The following GPHN variants were observed in gnomAD, a reference collection of about 807,000 sequenced individuals.
The protein encoded by GPHN is gephyrin.
A neutral mutation model predicts 95.5 loss-of-function variants in GPHN; 17 were observed. That is an observed-to-expected ratio of 0.18 (90% CI 0.12 to 0.27). The LOEUF (loss-of-function observed/expected upper bound fraction) is 0.27. Ranked by LOEUF, GPHN falls within the 10% of genes least tolerant of loss-of-function variation. GPHN has a pLI of 1.00. For synonymous variants in GPHN, 320 were observed against 322.5 expected, an observed-to-expected ratio of 0.99 and a Z score of 0.08; for missense variants, 660 against 978.1, an observed-to-expected ratio of 0.67 and a Z score of 4.34.
intron 1 of GPHN, among the ~76,000 whole-genome samples, chr14:66,549,478 G>C (rs1256357977): frequency 2.6e-5 from 4 of 152,152 alleles, no homozygotes; most frequent in Non-Finnish European, 5.9e-5. Flanking sequence ...GAAATTGCAG[G>C]AGAAACATTG....
the GPHN span, chr14:67,674,289 C>G: frequency 7.8e-7 from 1 of 1,281,494 alleles, no homozygotes; most frequent in Non-Finnish European, 1.0e-6. Context: ...GAGACGCGGG[C>G]CCGGGTCTGG....
intron 10 of GPHN, among the ~76,000 whole-genome samples, chr14:67,044,230 G>A (rs988100869): frequency 1.3e-4 from 20 of 152,038 alleles, no homozygotes; most frequent in Non-Finnish European, 7.4e-5. Context: ...CCAGCTACTT[G>A]GGAGGCTAAG....
chr14:66,552,978 TTTTTC>T (rs1374366360), intron 1 of GPHN, among the ~76,000 whole-genome samples: 3 of 150,980 alleles, frequency 2.0e-5, no homozygotes, highest in Non-Finnish European at 3.0e-5. Context: ...TTTTTTTTCT[TTTTTC>T]TTTTCTTTTC....
At chr14:66,794,787 G>C (rs2060099152) in intron 3 of GPHN, among the ~76,000 whole-genome samples, 1 of 152,100 alleles carries the variant, frequency 6.6e-6, no homozygotes, top group African/African-American at 2.4e-5. Flanking sequence ...TTGGTTTACT[G>C]TTGCATATAT....
intron 1 of GPHN, among the ~76,000 whole-genome samples, chr14:66,626,336 T>C (rs1290902158): frequency 6.6e-6 from 1 of 152,168 alleles, no homozygotes; most frequent in African/African-American, 2.4e-5. Context: ...CTCCAAATTT[T>C]GATGTTTTAT....
chr14:67,028,825 T>C (rs2074048767), intron 10 of GPHN, among the ~76,000 whole-genome samples: 1 of 152,182 alleles, frequency 6.6e-6, no homozygotes, highest in African/African-American at 2.4e-5. Context: ...TTGACTCTAC[T>C]CTGTTGATTG....
chr14:67,332,651 C>G, the GPHN span: 25 of 877,746 alleles, frequency 2.8e-5, 1 homozygote, highest in South Asian at 4.6e-4. Context: ...TGGAAAGGAG[C>G]TCCTGAGGTT....
intron 2 of GPHN, among the ~76,000 whole-genome samples, chr14:66,724,387 C>T (rs2071038891): frequency 1.3e-5 from 2 of 152,142 alleles, no homozygotes; most frequent in Admixed American, 1.3e-4. Flanking sequence ...AGCAGCTGTT[C>T]AGTTTTCTCC....
chr14:67,520,990 T>TG, the GPHN span, among the ~76,000 whole-genome samples: 1 of 152,246 alleles, frequency 6.6e-6, no homozygotes, highest in Non-Finnish European at 1.5e-5. Flanking sequence ...TTTCCACATT[T>TG]GGGCCATTAT....
At chr14:67,618,347 T>A in the GPHN span, among the ~76,000 whole-genome samples, 214 of 152,236 alleles carry the variant, frequency 1.4e-3, 1 homozygote, top group Non-Finnish European at 2.3e-3. Context: ...TAGCAGGTGC[T>A]CAAGAAGCAA....
intron 2 of GPHN, among the ~76,000 whole-genome samples, chr14:66,762,389 C>T (rs1431739110): frequency 6.6e-6 from 1 of 151,976 alleles, no homozygotes; most frequent in African/African-American, 2.4e-5. Context: ...CACTGGCCAA[C>T]CTATGTGAAA....
the GPHN span, among the ~76,000 whole-genome samples, chr14:67,643,285 G>T: frequency 6.6e-6 from 1 of 152,240 alleles, no homozygotes; most frequent in Non-Finnish European, 1.5e-5. Flanking sequence ...AATATACATG[G>T]AATAAACAAA....
chr14:66,523,544 A>G (rs749752243), intron 1 of GPHN, among the ~76,000 whole-genome samples: 2 of 152,098 alleles, frequency 1.3e-5, no homozygotes, highest in African/African-American at 2.4e-5. Context: ...TCACACAGAT[A>G]CTCAGAATAG....
the GPHN span, among the ~76,000 whole-genome samples, chr14:67,387,612 G>A: frequency 6.6e-6 from 1 of 152,166 alleles, no homozygotes; most frequent in East Asian, 1.9e-4. Context: ...ATCAGATGAG[G>A]TCCCCTTTTC....
At chr14:66,883,108 C>T (rs1464341379) in intron 5 of GPHN, among the ~76,000 whole-genome samples, 3 of 151,756 alleles carry the variant, frequency 2.0e-5, no homozygotes, top group Non-Finnish European at 2.9e-5. Context: ...TGTCTTTAAC[C>T]AAATTTGGGA....
intron 2 of GPHN, among the ~76,000 whole-genome samples, chr14:66,698,902 A>T (rs957861613): frequency 3.3e-5 from 5 of 152,172 alleles, no homozygotes; most frequent in African/African-American, 4.8e-5. Context: ...TCTGCAGATA[A>T]GTGGAACCAA....
chr14:67,200,333 C>T, the GPHN span: 1 of 650,700 alleles, frequency 1.5e-6, no homozygotes, highest in East Asian at 3.0e-5. Flanking sequence ...AGTAAATTCA[C>T]ATTTTCCTTC....
intron 3 of GPHN, among the ~76,000 whole-genome samples, chr14:66,809,204 A>G (rs2060665424): frequency 1.3e-5 from 2 of 152,206 alleles, no homozygotes; most frequent in African/African-American, 4.8e-5. Flanking sequence ...TGTGCTTTAT[A>G]GCAATCTAGG....
intron 1 of GPHN, among the ~76,000 whole-genome samples, chr14:66,626,496 T>G (rs1043341391): frequency 5.3e-5 from 8 of 152,122 alleles, no homozygotes; most frequent in Non-Finnish European, 1.2e-4. Flanking sequence ...GAGTTGAACT[T>G]TAGGTAACAT....
Sources: gnomAD v4.1 joint callset for allele counts (sites outside exome capture counted in the v4.1 genomes callset) on GRCh38, gnomAD v4.1.1 for gene constraint, MANE v1.5 for transcripts, NCBI Gene and HGNC (gene_info 2026-07-23, HGNC 2026-07-21) for gene names.